The following TJP2 variants were observed in gnomAD, a reference collection of about 807,000 sequenced individuals.
TJP2 encodes tight junction protein 2.
In TJP2, 91 loss-of-function variants were observed where a neutral mutation model predicts 133.1. The ratio of observed to expected loss-of-function variants is 0.68; its 90% confidence interval spans 0.58 to 0.81. The LOEUF (loss-of-function observed/expected upper bound fraction) is 0.81, where lower values mean the gene tolerates loss of function less well. Ranked by LOEUF, TJP2 falls within the 40% of genes least tolerant of loss-of-function variation. The pLI is 0.00. For synonymous variants in TJP2, 592 were observed against 583.4 expected, an observed-to-expected ratio of 1.01 and a Z score of -0.21; for missense variants, 1,541 against 1,565.6, an observed-to-expected ratio of 0.98 and a Z score of 0.26.
chr9:69,196,210 G>GT (rs1361055228), intron 1 of TJP2, among the ~76,000 whole-genome samples: 1 of 152,176 alleles, frequency 6.6e-6, no homozygotes, highest in African/African-American at 2.4e-5. Flanking sequence ...GAGAGGCAAG[G>GT]TTCTTCAGTG....
chr9:69,242,357 A>G (rs1279501530), intron 17 of TJP2, among the ~76,000 whole-genome samples: 1 of 152,240 alleles, frequency 6.6e-6, no homozygotes, highest in Non-Finnish European at 1.5e-5. Flanking sequence ...TGTGTGCCTG[A>G]GGCCAGCATC....
At chr9:69,195,563 A>G (rs1826496283) in intron 1 of TJP2, among the ~76,000 whole-genome samples, 1 of 152,182 alleles carries the variant, frequency 6.6e-6, no homozygotes, top group Non-Finnish European at 1.5e-5. Context: ...TATGTGAAAA[A>G]AGCAGGAGTA....
At chr9:69,204,187 A>G (rs1827219727) in intron 1 of TJP2, among the ~76,000 whole-genome samples, 1 of 152,214 alleles carries the variant, frequency 6.6e-6, no homozygotes, top group African/African-American at 2.4e-5. Context: ...TTGTGACTTT[A>G]AAAATCACTT....
chr9:69,131,345 T>C (rs968727898), intron 1 of TJP2, among the ~76,000 whole-genome samples: 1 of 152,166 alleles, frequency 6.6e-6, no homozygotes, highest in Non-Finnish European at 1.5e-5. Flanking sequence ...CAGTCCACGT[T>C]GTGAAGGTCA....
rs543953689 is a variant in TJP2, at chr9:69,251,988, A to ATTTTG, written c.3321+645_3321+649dup. On this transcript the variant is annotated intron_variant, in intron 21 of 22. Coordinates refer to ENST00000377245, the MANE Select transcript of TJP2 (RefSeq NM_004817.4). ...TTTCAACCACTTTTTTCTTTTATTTATTTTGTTTTGTTTTGTTTTGTTTTG... is the reference window on the plus strand; with the variant it reads ...TTTCAACCACTTTTTTCTTTTATTTATTTTGTTTTGTTTTGTTTTGTTTTGTTTTG... Among the ~76,000 whole-genome samples the ATTTTG allele has an allele frequency of 5.7e-3, 863 of 151,758 alleles. 5 individuals are homozygous for ATTTTG. Among genetic ancestry groups the ATTTTG allele is most frequent in the Non-Finnish European group, 8.3e-3 (564 of 67,926 alleles).
intron 2 of TJP2, among the ~76,000 whole-genome samples, chr9:69,154,794 T>C (rs1823658597): frequency 6.6e-6 from 1 of 151,618 alleles, no homozygotes; most frequent in South Asian, 2.1e-4. Flanking sequence ...AAAAAATTAA[T>C]AAATAAAAAT....
chr9:69,221,027 G>T lies in TJP2; in HGVS notation c.483G>T (p.Leu161=), dbSNP rs1460607511. ...GTGGCTACAGCGAGAGGAGCCGGCT[G>T]AACAGCCATGGGGGGCGCAGCCGCA... ...FRSGYSERSR[L]NSHGGRSRSW... Residue 161 remains leucine, a synonymous_variant, in exon 5 of 23, where the codon CTG becomes CTT. Coordinates refer to ENST00000377245, the MANE Select transcript of TJP2 (RefSeq NM_004817.4). 6.2e-7 allele frequency: 1 copy of T among 1,609,242 alleles called. No homozygotes were observed. Among genetic ancestry groups the T allele is most frequent in the Non-Finnish European group, 8.5e-7 (1 of 1,178,504 alleles).
At chr9:69,224,453 G>A (rs1829166096) in intron 5 of TJP2, among the ~76,000 whole-genome samples, 1 of 152,138 alleles carries the variant, frequency 6.6e-6, no homozygotes, top group Non-Finnish European at 1.5e-5. Flanking sequence ...CGAGGCGGGT[G>A]GATCACCTGA....
intron 1 of TJP2, among the ~76,000 whole-genome samples, chr9:69,185,815 A>G (rs901326998): frequency 1.3e-5 from 2 of 151,966 alleles, no homozygotes; most frequent in Admixed American, 6.5e-5. Flanking sequence ...AGTCTACCAA[A>G]ACAGCTGGCA....
chr9:69,244,019 A>C (rs1284917499), intron 17 of TJP2, among the ~76,000 whole-genome samples: 5 of 151,836 alleles, frequency 3.3e-5, no homozygotes, highest in African/African-American at 1.2e-4. Context: ...CCCTGTCTCT[A>C]TTAAAAATAA....
In TJP2 at chr9:69,221,365, G is replaced by A. The variant is rs754080705; in HGVS notation, c.821G>A (p.Arg274His). 9 of 1,584,134 alleles carry A rather than the reference G, an allele frequency of 5.7e-6. No individual in the cohort carries two copies. Among genetic ancestry groups the A allele is most frequent in the East Asian group, 4.6e-5 (2 of 43,172 alleles). Residue 274 changes from arginine (R) to histidine (H), a missense_variant, in exon 5 of 23, where the codon CGC becomes CAC. Arg to His is a conservative substitution (Grantham distance 29, BLOSUM62 0). Transcript: ENST00000377245. Reference sequence around the variant, plus strand: ...AGCCCGGAGTACAGGCGCGGGGCCCGCCACGATGCCCGCTCTCGGGGACCC... The same window carrying A: ...AGCCCGGAGTACAGGCGCGGGGCCCACCACGATGCCCGCTCTCGGGGACCC... ...AYSPEYRRGA[R>H]HDARSRGPRS...
chr9:69,227,599 A>G (rs1355936247), intron 7 of TJP2, among the ~76,000 whole-genome samples, 166 bp from the exon 8 acceptor site: 1 of 152,162 alleles, frequency 6.6e-6, no homozygotes, highest in Non-Finnish European at 1.5e-5. Context: ...TTCCCTTAAA[A>G]CGAGCAAGTT....
intron 21 of TJP2, among the ~76,000 whole-genome samples, chr9:69,252,336 T>C (rs1220674637): frequency 6.6e-6 from 1 of 152,114 alleles, no homozygotes; most frequent in South Asian, 2.1e-4. Flanking sequence ...ATTAAGTACC[T>C]TCACATTGCT....
upstream of TJP2, among the ~76,000 whole-genome samples, chr9:69,173,885 C>T (rs1258106426): frequency 6.6e-6 from 1 of 152,158 alleles, no homozygotes; most frequent in African/African-American, 2.4e-5. Context: ...CAGCACTTCC[C>T]AGAGCGCGCG....
chr9:69,218,470 C>A, intron 4 of TJP2, 111 bp downstream of exon 4: 1 of 798,208 alleles, frequency 1.3e-6, no homozygotes, highest in South Asian at 1.5e-5. Context: ...ACCTAGGGAC[C>A]GCTGTTCTTG....
At chr9:69,147,702 T>A (rs1823275621) in intron 1 of TJP2, among the ~76,000 whole-genome samples, 1 of 152,168 alleles carries the variant, frequency 6.6e-6, no homozygotes, top group Non-Finnish European at 1.5e-5. Flanking sequence ...CCTAAATAGA[T>A]CTCTGCTTCT....
intron 1 of TJP2, among the ~76,000 whole-genome samples, chr9:69,181,746 T>TC (rs1258800778): frequency 6.6e-6 from 1 of 152,226 alleles, no homozygotes; most frequent in East Asian, 1.9e-4. Flanking sequence ...TGCTTTCTTT[T>TC]TTTTTTAGAG....
intron 4 of TJP2, chr9:69,218,615 C>T (rs1828569109): frequency 4.1e-6 from 2 of 492,314 alleles, no homozygotes; most frequent in East Asian, 3.9e-5. Flanking sequence ...GCAATTATTC[C>T]CTAAGAGAAT....
intron 4 of TJP2, among the ~76,000 whole-genome samples, chr9:69,220,205 AT>A (rs1230491355): frequency 6.6e-6 from 1 of 152,228 alleles, no homozygotes; most frequent in Admixed American, 6.5e-5. Flanking sequence ...TTAAAAATTT[AT>A]GCATAATGCA....
Sources: gnomAD v4.1 joint callset for allele counts (sites outside exome capture counted in the v4.1 genomes callset) on GRCh38, gnomAD v4.1.1 for gene constraint, MANE v1.5 for transcripts, NCBI Gene and HGNC (gene_info 2026-07-23, HGNC 2026-07-21) for gene names.